Variants in YJEFN3 observed in about 807,000 individuals in gnomAD.
YJEFN3 encodes the protein yjeF N-terminal domain-containing protein 3.
In YJEFN3, 29 loss-of-function variants were observed where a neutral mutation model predicts 31.5. The observed-to-expected ratio is 0.92, with a 90% confidence interval of 0.69 to 1.26. YJEFN3 has a LOEUF of 1.26. Ranked by LOEUF, YJEFN3 falls within the 50% of genes most tolerant of loss-of-function variation. The pLI is 0.00. For synonymous variants in YJEFN3, 227 were observed against 196.1 expected, an observed-to-expected ratio of 1.16 and a Z score of -1.32; for missense variants, 442 against 425.4, an observed-to-expected ratio of 1.04 and a Z score of -0.34.
chr19:19,529,251 T>TG, intron 1 of YJEFN3, 113 bp from the exon 2 acceptor site: 2 of 1,457,974 alleles, frequency 1.4e-6, no homozygotes, highest in Non-Finnish European at 1.8e-6. Flanking sequence ...GCTGCGTTGC[T>TG]GGGGAAACTG....
intron 2 of YJEFN3, among the ~76,000 whole-genome samples, chr19:19,529,749 T>G (rs2061135927): frequency 6.6e-6 from 1 of 150,632 alleles, no homozygotes; most frequent in South Asian, 2.1e-4. Context: ...GGTGAAGGGG[T>G]GAGGTGAGGG....
In YJEFN3 at chr19:19,532,638, G is replaced by T; in HGVS notation, c.216G>T (p.Ala72=). The T allele has an allele frequency of 6.4e-7, 1 of 1,553,296 alleles. No individual in the cohort carries two copies. The change falls in exon 3 of 7, where the codon GCG becomes GCT. Residue 72 remains alanine, a synonymous_variant. Coordinates refer to ENST00000514277, the MANE Select transcript of YJEFN3 (RefSeq NM_198537.4). ...WNAGPVCQST[A]EAAALERELL... ...CATCCCACTCTGTCCCCAGCACCGCGGAGGCAGCCGCCCTGGAGCGGGAGC... is the reference window on the plus strand; with the variant it reads ...CATCCCACTCTGTCCCCAGCACCGCTGAGGCAGCCGCCCTGGAGCGGGAGC...
chr19:19,530,021 C>T (rs2061139639), intron 2 of YJEFN3, among the ~76,000 whole-genome samples: 1 of 152,168 alleles, frequency 6.6e-6, no homozygotes, highest in African/African-American at 2.4e-5. Flanking sequence ...TGTGTGCGGC[C>T]AGGTGATCCC....
Position 19,529,383 on chromosome 19 carries a change from C to T in YJEFN3, c.79C>T (p.Pro27Ser), listed in dbSNP as rs1307486122. ...TCCCAGGGCCTTGGAGCTGCAGCCC[C>T]CACTTGCCGACATGGGAAGAGCGGA... ...HFLRALELQP[P>S]LADMGRAELS... Residue 27 changes from proline (P) to serine (S), a missense_variant, in exon 2 of 7, where the codon CCA (proline) becomes TCA (serine). By Grantham distance (74) the Pro-to-Ser change is moderately conservative. Coordinates refer to ENST00000514277, the MANE Select transcript of YJEFN3 (RefSeq NM_198537.4). 1.9e-6 allele frequency: 3 copies of T among 1,613,250 alleles called. No individual in the cohort carries two copies. Among genetic ancestry groups the T allele is most frequent in the Non-Finnish European group, 1.7e-6 (2 of 1,179,676 alleles).
Position 19,537,307 on chromosome 19 carries a change from C to T in YJEFN3, c.695-12C>T. 1 of 1,577,960 alleles carries T rather than the reference C, an allele frequency of 6.3e-7. No individual in the cohort carries two copies. The highest frequency in any genetic ancestry group is 8.6e-7 in the Non-Finnish European group (1 of 1,168,016). ...TCCCAGTTCCCAATCCCCCCGGACC[C>T]TCCTCCCTCAGGCTGGGACGCAGAG... On this transcript the variant is annotated splice_polypyrimidine_tract_variant and intron_variant, in intron 6 of 6. Transcript: ENST00000514277.
At chr19:19,535,277 C>T in intron 4 of YJEFN3, 60 bp from the exon 5 acceptor site, 1 of 1,556,158 alleles carries the variant, frequency 6.4e-7, no homozygotes, top group South Asian at 1.1e-5. Flanking sequence ...TTGTCCCAGG[C>T]AGGGTCTGGT....
Position 19,529,457 on chromosome 19 carries a change from C to T in YJEFN3, c.153C>T (p.Ala51=), listed in dbSNP as rs200337311. Residue 51 remains alanine (A), a synonymous_variant, in exon 2 of 7, where the codon GCC becomes GCT. Transcript: ENST00000514277. ...CCCTTGTCCAGAGGAGGAAACAGGC[C>T]TGGGGAAGGCAGTCATGGCTAGAGC... ...TTSLVQRRKQ[A]WGRQSWLEQI... is the part of the protein sequence containing the mutation. The T allele has an allele frequency of 1.2e-6, 2 of 1,614,038 alleles. No homozygotes were observed. Among genetic ancestry groups the T allele is most frequent in the Admixed American group, 1.7e-5 (1 of 60,000 alleles).
In YJEFN3 at chr19:19,534,704, G is replaced by A. The variant is rs372102659; in HGVS notation, c.319-330G>A. ...GGGGCTGAGGTCTGGAAACATGGGC[G>A]GGGGTGGGCCCGCGGTGAGAAAGGT... On this transcript the variant is annotated intron_variant, in intron 3 of 6. Transcript: ENST00000514277. This position sits in a 1 kb window ranked among gnomAD's most constrained non-coding sequence, Gnocchi z 4.6. The A allele has an allele frequency of 8.8e-5, 18 of 203,494 alleles. No individual in the cohort carries two copies. Among genetic ancestry groups the A allele is most frequent in the South Asian group, 8.1e-4 (5 of 6,204 alleles). 12.6% of individuals were successfully genotyped at this position (203,494 alleles called of 1,614,324 possible). A position where few individuals can be genotyped will look rare whatever the true frequency, so the allele number is the denominator to read the frequency against.
chr19:19,535,630 C>A lies in YJEFN3; in HGVS notation c.645C>A (p.Ala215=). 6.3e-7 allele frequency: 1 copy of A among 1,586,224 alleles called. No homozygotes were observed. The highest frequency in any genetic ancestry group is 8.6e-7 in the Non-Finnish European group (1 of 1,166,800). Reference sequence around the variant, plus strand: ...GGGGCCCCTGCACCCGCGCGCTGGCCACGCTCAAGCTGCTGTCCATCCCCC... The same window carrying A: ...GGGGCCCCTGCACCCGCGCGCTGGCAACGCTCAAGCTGCTGTCCATCCCCC... ...EVGGPCTRAL[A]TLKLLSIPLV... Residue 215 remains alanine, a synonymous_variant, in exon 6 of 7, where the codon GCC becomes GCA. Transcript: ENST00000514277.
intron 5 of YJEFN3, 30 bp downstream of exon 5, chr19:19,535,480 A>G (rs200665136): frequency 9.3e-5 from 150 of 1,613,546 alleles, no homozygotes; most frequent in Non-Finnish European, 1.2e-4. Flanking sequence ...CAAGGGGGAC[A>G]TGGTGTGCAG....
chr19:19,534,849 C>T lies in YJEFN3; in HGVS notation c.319-185C>T, dbSNP rs1438061638. On this transcript the variant is annotated intron_variant, in intron 3 of 6. Coordinates refer to ENST00000514277, the MANE Select transcript of YJEFN3 (RefSeq NM_198537.4). This position sits in a 1 kb window ranked among gnomAD's most constrained non-coding sequence, Gnocchi z 4.6. ...AGAGCCTGAGACCGGGCCTCTGCAT[C>T]TCCAGCGGGGAAACTGAGGCCCCAA... 1 of 436,376 alleles carries T rather than the reference C, an allele frequency of 2.3e-6. No homozygotes were observed. The highest frequency in any genetic ancestry group is 2.0e-5 in the African/African-American group (1 of 49,994). The allele number at this position is 436,376 out of a possible 1,614,324, so 27.0% of individuals were successfully genotyped here. A position where few individuals can be genotyped will look rare whatever the true frequency, so the allele number is the denominator to read the frequency against.
At chr19:19,532,966 C>T in intron 3 of YJEFN3, 2 of 1,309,650 alleles carry the variant, frequency 1.5e-6, no homozygotes, top group East Asian at 3.1e-5. Context: ...GAGGTTATTG[C>T]AGGGACAGTG....
At chr19:19,533,134 G>T (rs1382567895) in intron 3 of YJEFN3, 2 of 1,014,838 alleles carry the variant, frequency 2.0e-6, no homozygotes, top group Non-Finnish European at 2.4e-6. Context: ...AGGTGGCGAG[G>T]GGCCTGCCCT....
chr19:19,535,794 G>C, intron 6 of YJEFN3, 115 bp downstream of exon 6: 1 of 1,353,632 alleles, frequency 7.4e-7, no homozygotes, highest in Non-Finnish European at 1.0e-6. Context: ...AGCTTGGATG[G>C]ACCCACACTT....
At chr19:19,533,017 C>T (rs887973374) in intron 3 of YJEFN3, 124 of 1,216,456 alleles carry the variant, frequency 1.0e-4, no homozygotes, top group African/African-American at 1.0e-3. Flanking sequence ...ACATGTGACC[C>T]GCCTGCTTCT....
In YJEFN3 at chr19:19,534,619, CAG is replaced by C. The variant is rs1007605095; in HGVS notation, c.319-410_319-409del. The C allele has an allele frequency of 6.2e-6, 1 of 160,514 alleles. No individual in the cohort carries two copies. 9.9% of individuals were successfully genotyped at this position (160,514 alleles called of 1,614,324 possible). On this transcript the variant is annotated intron_variant, in intron 3 of 6. Coordinates refer to ENST00000514277, the MANE Select transcript of YJEFN3 (RefSeq NM_198537.4). The surrounding 1 kb of genome is among the most constrained non-coding windows in gnomAD (Gnocchi z 4.6). ...AGACACAGAGACAGCCAGAGAGAGA[CAG>C]AGAGGCCCCAGGGCATCGTGGCTAA...
rs746057795 is a variant in YJEFN3, at chr19:19,529,148, C to G, written c.59+157C>G. The G allele has an allele frequency of 2.1e-6, 3 of 1,462,324 alleles. No individual in the cohort carries two copies. The African/African-American group carries it at 4.3e-5, about 21-fold the overall frequency. The allele number at this position is 1,462,324 out of a possible 1,614,324, so 90.6% of individuals were successfully genotyped here. On this transcript the variant is annotated intron_variant, in intron 1 of 6. Coordinates refer to ENST00000514277, the MANE Select transcript of YJEFN3 (RefSeq NM_198537.4). Reference sequence around the variant, plus strand: ...GGAGGTTCAACGGCAGAGGCATGACCACGGTGGGGAACCGGAGGCAGGGAT... The same window carrying G: ...GGAGGTTCAACGGCAGAGGCATGACGACGGTGGGGAACCGGAGGCAGGGAT...
chr19:19,537,425 C>G lies in YJEFN3; in HGVS notation c.801C>G (p.His267Gln), dbSNP rs201051947. Residue 267 changes from histidine to glutamine, a missense_variant, in exon 7 of 7, where the codon CAC (histidine) becomes CAG (glutamine). Physicochemically the swap from His to Gln is conservative, Grantham distance 24. Transcript: ENST00000514277. ...GCGCTGGCCGCTTCTCCGGGCGCCACCACTTCGTGGCCGGCAGGTTCGTGC... is the reference window on the plus strand; with the variant it reads ...GCGCTGGCCGCTTCTCCGGGCGCCAGCACTTCGTGGCCGGCAGGTTCGTGC... Reference protein sequence around the residue: ...KRCAGRFSGRHHFVAGRFVPD... With the variant: ...KRCAGRFSGRQHFVAGRFVPD... 2.9e-3 allele frequency: 4,565 copies of G among 1,590,878 alleles called. 8 individuals carry two copies. The highest frequency in any genetic ancestry group is 3.2e-3 in the Non-Finnish European group (3,760 of 1,174,498).
At position 19,535,568 on chromosome 19, in the gene YJEFN3, GC is replaced by G; in HGVS notation, c.585del (p.Val196TyrfsTer30). ...CGAAGCCTATGGGCTGGTGGTGGAT[GC>G]CGTACTGGGCCCCGGCGTGGAGCCG... ...INEAYGLVVD[A>X]VLGPGVEPGE... is the part of the protein sequence containing the mutation. On this transcript the variant is annotated frameshift_variant, in exon 6 of 7. Transcript: ENST00000514277. LOFTEE classifies it high-confidence loss of function. The G allele has an allele frequency of 6.3e-7, 1 of 1,582,652 alleles. No homozygotes were observed. Among genetic ancestry groups the G allele is most frequent in the Non-Finnish European group, 8.6e-7 (1 of 1,163,554 alleles).
Sources: allele counts gnomAD v4.1 joint callset (sites outside exome capture counted in the v4.1 genomes callset), GRCh38; gene constraint gnomAD v4.1.1; non-coding constraint Gnocchi (gnomAD v3.1); transcripts MANE v1.5; gene names NCBI Gene and HGNC (gene_info 2026-07-23, HGNC 2026-07-21).